The following DLGAP2 variants were observed in gnomAD, a reference collection of about 807,000 sequenced individuals.
The protein encoded by DLGAP2 is DLG associated protein 2, also known as disks large-associated protein 2.
In DLGAP2, 26 loss-of-function variants were observed where a neutral mutation model predicts 100.3. The observed-to-expected ratio is 0.26, with a 90% confidence interval of 0.19 to 0.36. DLGAP2 has a LOEUF of 0.36. Ranked by LOEUF, DLGAP2 falls within the 10% of genes least tolerant of loss-of-function variation. The pLI is 1.00. For missense variants in DLGAP2, 1,858 were observed against 1,453.2 expected, an observed-to-expected ratio of 1.28 and a Z score of -4.53; for synonymous variants, 886 against 630.1, an observed-to-expected ratio of 1.41 and a Z score of -6.08.
At chr8:1,316,883 T>C (rs1486914571) in intron 3 of DLGAP2, among the ~76,000 whole-genome samples, 1 of 100,812 alleles carries the variant, frequency 9.9e-6, no homozygotes, top group Non-Finnish European at 2.0e-5. Flanking sequence ...ACTCGGCAGC[T>C]TTTAAAAATA....
intron 2 of DLGAP2, among the ~76,000 whole-genome samples, chr8:1,052,147 G>A (rs556812851): frequency 3.3e-5 from 5 of 152,228 alleles, no homozygotes; most frequent in South Asian, 4.1e-4. Flanking sequence ...CTGAACTCCC[G>A]TGTCATGAGG....
intron 1 of DLGAP2, among the ~76,000 whole-genome samples, chr8:852,772 G>C (rs1051793263): frequency 3.9e-5 from 6 of 152,188 alleles, no homozygotes; most frequent in African/African-American, 1.4e-4. Flanking sequence ...GTGTTTCCTT[G>C]GGAAATCTAA....
intron 1 of DLGAP2, among the ~76,000 whole-genome samples, chr8:853,578 G>T (rs1167875430): frequency 6.6e-6 from 1 of 152,122 alleles, no homozygotes; most frequent in Non-Finnish European, 1.5e-5. Flanking sequence ...ATCAGTTAGG[G>T]AATGGTGGGA....
At chr8:1,354,587 G>A (rs114153962) in intron 3 of DLGAP2, among the ~76,000 whole-genome samples, 2,824 of 151,526 alleles carry the variant, frequency 0.019, 104 homozygotes, top group African/African-American at 0.066. Flanking sequence ...TGCTGTGGGT[G>A]AAGGTGGAAA....
intron 14 of DLGAP2, among the ~76,000 whole-genome samples, chr8:1,697,597 A>C (rs773539932): frequency 6.6e-6 from 1 of 152,218 alleles, no homozygotes; most frequent in Non-Finnish European, 1.5e-5. Flanking sequence ...ATCACAAGCA[A>C]ACCTGCAGCC....
At chr8:983,062 G>A (rs868397455) in intron 2 of DLGAP2, among the ~76,000 whole-genome samples, 49 of 152,184 alleles carry the variant, frequency 3.2e-4, no homozygotes, top group African/African-American at 1.1e-3. Context: ...CTTTTCCTGC[G>A]GGATAGGATC....
intron 4 of DLGAP2, among the ~76,000 whole-genome samples, chr8:1,514,282 A>G (rs1172584428): frequency 6.6e-6 from 1 of 152,246 alleles, no homozygotes; most frequent in Non-Finnish European, 1.5e-5. Flanking sequence ...TTATGCGACT[A>G]TTCCCAGAAG....
intron 10 of DLGAP2, among the ~76,000 whole-genome samples, chr8:1,670,313 GC>G (rs1233362782): frequency 6.6e-6 from 1 of 152,110 alleles, no homozygotes; most frequent in Admixed American, 6.5e-5. Context: ...TTCCTGCCCC[GC>G]CCACAGCCAG....
intron 6 of DLGAP2, among the ~76,000 whole-genome samples, chr8:1,616,890 C>T (rs775096844): frequency 3.3e-5 from 5 of 152,162 alleles, no homozygotes; most frequent in Non-Finnish European, 7.4e-5. Context: ...CTCCCTCCTT[C>T]TAACCTCCAG....
intron 2 of DLGAP2, among the ~76,000 whole-genome samples, chr8:1,007,274 C>A (rs1445363821): frequency 1.3e-5 from 2 of 152,322 alleles, no homozygotes; most frequent in South Asian, 4.1e-4. Flanking sequence ...GTCTCTGTGA[C>A]TGCTGTGATT....
chr8:1,697,032 G>A, intron 13 of DLGAP2, 115 bp from the exon 14 acceptor site: 1 of 1,155,054 alleles, frequency 8.7e-7, no homozygotes, highest in African/African-American at 1.6e-5. Flanking sequence ...GCTGGAATTA[G>A]CCAGGCTTCT....
rs138764147 is a variant in DLGAP2 at position 890,254 on chromosome 8, C to T, written c.19-17658C>T. ...TTCTGATACAGACATTAAGAAAAGC[C>T]GTCTAGGATGAGCCATGCACGTGCA... On this transcript the variant is annotated intron_variant, in intron 1 of 14. Transcript: ENST00000637795. Among the ~76,000 whole-genome samples, 449 of 152,228 alleles carry T rather than the reference C, an allele frequency of 2.9e-3. 3 individuals carry two copies. The highest frequency in any genetic ancestry group is 0.01 in the African/African-American group (417 of 41,552).
At chr8:1,178,008 G>C (rs1454785941) in intron 2 of DLGAP2, among the ~76,000 whole-genome samples, 2 of 152,226 alleles carry the variant, frequency 1.3e-5, no homozygotes, top group Non-Finnish European at 2.9e-5. Context: ...GCCGTGGCCA[G>C]TGGTGGTGAA....
intron 3 of DLGAP2, among the ~76,000 whole-genome samples, chr8:1,438,462 G>A (rs1797717173): frequency 6.6e-6 from 1 of 151,830 alleles, no homozygotes. Flanking sequence ...CAGTAACAAG[G>A]CCCAAAGAGC....
At chr8:1,695,063 T>C (rs1799348218) in intron 13 of DLGAP2, among the ~76,000 whole-genome samples, 1 of 152,170 alleles carries the variant, frequency 6.6e-6, no homozygotes, top group Non-Finnish European at 1.5e-5. Context: ...GGGAAGGCGA[T>C]GCCTGCTCTC....
chr8:1,281,376 G>A (rs1799810281), intron 3 of DLGAP2, among the ~76,000 whole-genome samples: 1 of 152,172 alleles, frequency 6.6e-6, no homozygotes, highest in Non-Finnish European at 1.5e-5. Context: ...TCATGACCTT[G>A]ATTTGATTCC....
At chr8:1,560,228 T>C (rs999422438) in intron 5 of DLGAP2, among the ~76,000 whole-genome samples, 1 of 152,230 alleles carries the variant, frequency 6.6e-6, no homozygotes, top group African/African-American at 2.4e-5. Context: ...CACAGTTACA[T>C]CTTTAAAAGA....
intron 2 of DLGAP2, among the ~76,000 whole-genome samples, chr8:1,200,875 C>T (rs1447420753): frequency 6.6e-6 from 1 of 152,232 alleles, no homozygotes; most frequent in East Asian, 1.9e-4. Flanking sequence ...ACGATGCGTC[C>T]GCTGCTGGCT....
chr8:1,094,221 A>G (rs1804291827), intron 2 of DLGAP2, among the ~76,000 whole-genome samples: 1 of 152,240 alleles, frequency 6.6e-6, no homozygotes, highest in African/African-American at 2.4e-5. Flanking sequence ...TTTGGACGGT[A>G]GAGCTGGGAG....
Sources: gnomAD v4.1 joint callset for allele counts (sites outside exome capture counted in the v4.1 genomes callset) on GRCh38, gnomAD v4.1.1 for gene constraint, MANE v1.5 for transcripts, NCBI Gene and HGNC (gene_info 2026-07-23, HGNC 2026-07-21) for gene names.